The following B4GALT4 variants were observed in gnomAD, a reference collection of about 807,000 sequenced individuals.
B4GALT4 encodes the protein N-acetyllactosamine synthase.
A neutral mutation model predicts 37.3 loss-of-function variants in B4GALT4; 27 were observed. The observed-to-expected ratio is 0.72, with a 90% CI of 0.53 to 1.00. The LOEUF (loss-of-function observed/expected upper bound fraction) is 1.00, where lower values mean the gene tolerates loss of function less well. Ranked by LOEUF, B4GALT4 falls within the 50% of genes least tolerant of loss-of-function variation. The pLI is 0.00. For synonymous variants in B4GALT4, 148 were observed against 154.1 expected, an observed-to-expected ratio of 0.96 and a Z score of 0.29; for missense variants, 372 against 413.1, an observed-to-expected ratio of 0.90 and a Z score of 0.86.
At chr3:119,223,651 G>C (rs2078514162) in intron 5 of B4GALT4, among the ~76,000 whole-genome samples, 1 of 152,054 alleles carries the variant, frequency 6.6e-6, no homozygotes, top group South Asian at 2.1e-4. Context: ...CCACAGTCTG[G>C]AAAGTGATGT....
chr3:119,238,471 T>C (rs561829529), intron 1 of B4GALT4, among the ~76,000 whole-genome samples: 1 of 152,272 alleles, frequency 6.6e-6, no homozygotes, highest in South Asian at 2.1e-4. Flanking sequence ...TCTGATAAAA[T>C]GACTACATAG....
intron 5 of B4GALT4, among the ~76,000 whole-genome samples, chr3:119,222,217 T>C (rs969226585): frequency 6.6e-6 from 1 of 152,194 alleles, no homozygotes; most frequent in Non-Finnish European, 1.5e-5. Flanking sequence ...GTGTTGTAAA[T>C]AGTGACATCT....
intron 7 of B4GALT4, chr3:119,213,893 T>C (rs924714246): frequency 1.3e-5 from 2 of 152,230 alleles, no homozygotes; most frequent in Non-Finnish European, 2.9e-5. Flanking sequence ...TGGTTGACTC[T>C]ACCAAAAGGG....
intron 2 of B4GALT4, among the ~76,000 whole-genome samples, chr3:119,234,068 T>G (rs2078906902): frequency 1.3e-5 from 2 of 152,214 alleles, no homozygotes; most frequent in Admixed American, 6.5e-5. Context: ...TTTAATGAGA[T>G]GATGCACCCA....
chr3:119,230,383 G>C (rs2078770777), intron 2 of B4GALT4, 139 bp from the exon 3 acceptor site: 1 of 394,068 alleles, frequency 2.5e-6, no homozygotes, highest in Non-Finnish European at 4.6e-6. Flanking sequence ...AGCATTTAGA[G>C]ATTCGAAAAC....
chr3:119,224,428 C>T (rs1488854760), intron 4 of B4GALT4, among the ~76,000 whole-genome samples, 183 bp from the exon 5 acceptor site: 1 of 152,160 alleles, frequency 6.6e-6, no homozygotes, highest in Non-Finnish European at 1.5e-5. Flanking sequence ...TTTTTTTCTT[C>T]GTGCTTCACA....
chr3:119,238,130 G>T (rs1389673665), intron 1 of B4GALT4, among the ~76,000 whole-genome samples: 3 of 151,972 alleles, frequency 2.0e-5, no homozygotes, highest in African/African-American at 7.3e-5. Context: ...AGCTTGGCAT[G>T]GTGGCGCATG....
At position 119,230,225 on chromosome 3, in the gene B4GALT4, A is replaced by G; in HGVS notation, c.-126T>C. 1 of 1,248,140 alleles carries G rather than the reference A, an allele frequency of 8.0e-7. No homozygotes were observed. The highest frequency in any genetic ancestry group is 1.5e-5 in the South Asian group (1 of 67,958). The allele number at this position is 1,248,140 out of a possible 1,614,324, so 77.3% of individuals were successfully genotyped here. A position where few individuals can be genotyped will look rare whatever the true frequency, so the allele number is the denominator to read the frequency against. ...GAAGATACAATGCCTGGTTTTTCTCAGTAGTTCTGCTCCAACAGTCTAAAA... is the reference window on the plus strand; with the variant it reads ...GAAGATACAATGCCTGGTTTTTCTCGGTAGTTCTGCTCCAACAGTCTAAAA... On this transcript the variant is annotated 5_prime_UTR_variant, in exon 3 of 8. Transcript: ENST00000393765.
intron 7 of B4GALT4, chr3:119,213,252 A>C (rs1204027700): frequency 1.3e-5 from 2 of 152,270 alleles, no homozygotes; most frequent in Non-Finnish European, 2.9e-5. Flanking sequence ...CAGAGAGACC[A>C]CCCTGGGCAA....
At position 119,236,712 on chromosome 3, in the gene B4GALT4, AAAG is replaced by A. The variant is rs2078996583; in HGVS notation, c.-146+138_-146+140del. On this transcript the variant is annotated intron_variant, in intron 2 of 7. Coordinates refer to ENST00000393765, the MANE Select transcript of B4GALT4 (RefSeq NM_003778.4). ...CTGCTAAAAGGAATGAAACATTAAA[AAAG>A]AAGGTGGGAAATAAAGATTAATAAT... 3 of 152,360 alleles carry A rather than the reference AAAG, an allele frequency of 2.0e-5. No homozygotes were observed. In the South Asian group the frequency reaches 6.2e-4, roughly 32 times the overall value. 9.4% of individuals were successfully genotyped at this position (152,360 alleles called of 1,614,324 possible).
chr3:119,227,491 C>A (rs2078661419), intron 3 of B4GALT4, among the ~76,000 whole-genome samples: 1 of 152,188 alleles, frequency 6.6e-6, no homozygotes, highest in South Asian at 2.1e-4. Flanking sequence ...CTTCCCACCC[C>A]TTCCCTAAAC....
chr3:119,225,950 G>A (rs1020022962), intron 4 of B4GALT4, among the ~76,000 whole-genome samples: 6 of 152,194 alleles, frequency 3.9e-5, no homozygotes, highest in Admixed American at 3.9e-4. Context: ...AGTCTATACT[G>A]CAGAGCTGGT....
intron 2 of B4GALT4, chr3:119,235,103 C>T (rs534184197): frequency 4.6e-5 from 7 of 152,294 alleles, no homozygotes; most frequent in East Asian, 1.9e-4. Flanking sequence ...TGAAACAAGA[C>T]GGATAAAATA....
At chr3:119,213,581 A>C (rs1405619101) in intron 7 of B4GALT4, 2 of 152,230 alleles carry the variant, frequency 1.3e-5, no homozygotes, top group Non-Finnish European at 2.9e-5. Context: ...AGAAATAACT[A>C]TCATTATCAC....
At chr3:119,221,320 A>C (rs751361648) in intron 5 of B4GALT4, among the ~76,000 whole-genome samples, 1 of 152,180 alleles carries the variant, frequency 6.6e-6, no homozygotes, top group Non-Finnish European at 1.5e-5. Flanking sequence ...AGTCTGAGAG[A>C]CTTGGGGCAA....
chr3:119,229,688 T>C (rs1465131574), intron 3 of B4GALT4, among the ~76,000 whole-genome samples, 159 bp downstream of exon 3: 1 of 152,192 alleles, frequency 6.6e-6, no homozygotes, highest in Non-Finnish European at 1.5e-5. Flanking sequence ...TACTTTCTTG[T>C]ACATGTTATA....
Position 119,212,586 on chromosome 3 carries a change from T to A in B4GALT4, c.998A>T (p.Tyr333Phe). Reference sequence around the variant, plus strand: ...CCAGAAATCCACTGTGATGTTGATATATAAAGGATTGTGTTCCACAGATAC... The same window carrying A: ...CCAGAAATCCACTGTGATGTTGATAAATAAAGGATTGTGTTCCACAGATAC... ...KLVSVEHNPL[Y>F]INITVDFWFG... Residue 333 changes from tyrosine to phenylalanine, a missense_variant, in exon 8 of 8, where the codon TAT becomes TTT. Physicochemically the swap from Tyr to Phe is conservative, Grantham distance 22 (BLOSUM62 3). Transcript: ENST00000393765. 1 of 1,611,436 alleles carries A rather than the reference T, an allele frequency of 6.2e-7. No individual in the cohort carries two copies. The highest frequency in any genetic ancestry group is 8.5e-7 in the Non-Finnish European group (1 of 1,179,218).
chr3:119,230,659 G>A (rs2078782029), intron 2 of B4GALT4, among the ~76,000 whole-genome samples: 1 of 152,146 alleles, frequency 6.6e-6, no homozygotes, highest in Non-Finnish European at 1.5e-5. Flanking sequence ...AGCACATTTT[G>A]ACCCAAAGAG....
chr3:119,236,309 C>G (rs1217292954), intron 2 of B4GALT4: 1 of 31,902 alleles, frequency 3.1e-5, no homozygotes, highest in Non-Finnish European at 9.6e-5. Context: ...ACAATGGGAA[C>G]AGAAAAAAAA....
Sources: allele counts gnomAD v4.1 joint callset (sites outside exome capture counted in the v4.1 genomes callset), GRCh38; gene constraint gnomAD v4.1.1; transcripts MANE v1.5; gene names NCBI Gene and HGNC (gene_info 2026-07-23, HGNC 2026-07-21).